TRUB2: variants seen among roughly 807,000 people sequenced by gnomAD.
The protein encoded by TRUB2 is TruB pseudouridine synthase family member 2.
Under a neutral mutation model 31.9 loss-of-function variants are expected in TRUB2, and 31 were observed. That is an observed-to-expected ratio of 0.97 (90% CI 0.73 to 1.31). TRUB2 has a LOEUF of 1.31. TRUB2 is among the 50% of genes most tolerant of loss of function. TRUB2 has a pLI of 0.00. For missense variants in TRUB2, 451 were observed against 439.6 expected (o/e 1.03, Z -0.23); for synonymous variants, 201 against 182.6 (o/e 1.10, Z -0.81).
intron 5 of TRUB2, 85 bp from the exon 6 acceptor site, chr9:128,311,686 C>G: frequency 7.0e-7 from 1 of 1,427,112 alleles, no homozygotes. Flanking sequence ...CCAGCCCCAT[C>G]CCTGGAACAT....
Position 128,309,377 on chromosome 9 carries a change from A to G in TRUB2, c.*173T>C. ...ATGTTTACTGTCTTTTCCTCCATAC[A>G]GAAGTTTTTCCTTCTCAGTTGGGTC... On this transcript the variant is annotated 3_prime_UTR_variant, in exon 8 of 8. Transcript: ENST00000372890. 7.7e-6 allele frequency: 5 copies of G among 650,012 alleles called. No homozygotes were observed. In the Middle Eastern group the frequency reaches 2.1e-3, roughly 276 times the overall value. The allele number at this position is 650,012 out of a possible 1,614,324, so 40.3% of individuals were successfully genotyped here.
At chr9:128,313,446 G>A (rs1174215696) in intron 5 of TRUB2, among the ~76,000 whole-genome samples, 9 of 147,214 alleles carry the variant, frequency 6.1e-5, no homozygotes, top group African/African-American at 2.3e-4. Context: ...TGAGGCAGGA[G>A]AATGGCGTGA....
In TRUB2 at chr9:128,309,735, T is replaced by C. The variant is rs1474120697; in HGVS notation, c.811A>G (p.Arg271Gly). The part of the protein sequence containing the change: ...GFFTLDSALL[R>G]TQWDLTNIQD... Reference sequence around the variant, plus strand: ...ATGTTGGTTAGGTCCCACTGGGTCCTCAGGAGGGCACTGTCTAGCGTGAAG... The same window carrying C: ...ATGTTGGTTAGGTCCCACTGGGTCCCCAGGAGGGCACTGTCTAGCGTGAAG... Residue 271 changes from arginine to glycine, a missense_variant, in exon 8 of 8, where the codon AGG becomes GGG. Coordinates refer to ENST00000372890, the MANE Select transcript of TRUB2 (RefSeq NM_015679.3). The C allele has an allele frequency of 6.2e-7, 1 of 1,614,232 alleles. No homozygotes were observed. Among genetic ancestry groups the C allele is most frequent in the Non-Finnish European group, 8.5e-7 (1 of 1,180,044 alleles).
Position 128,310,095 on chromosome 9 carries a change from G to C in TRUB2, c.671-220C>G, listed in dbSNP as rs113777555. Among the ~76,000 whole-genome samples the C allele has an allele frequency of 6.9e-4, 105 of 152,192 alleles. 4 individuals carry two copies. The highest frequency in any genetic ancestry group is 2.2e-3 in the African/African-American group (92 of 41,550). Reference sequence around the variant, plus strand: ...GGCCCCACCGGGACCTGCCAAGTCAGAATCTGCCCTTTTTTGGCAACAGGG... The same window carrying C: ...GGCCCCACCGGGACCTGCCAAGTCACAATCTGCCCTTTTTTGGCAACAGGG... On this transcript the variant is annotated intron_variant, in intron 7 of 7. Coordinates refer to ENST00000372890, the MANE Select transcript of TRUB2 (RefSeq NM_015679.3).
At chr9:128,316,012 T>C (rs973507586) in intron 3 of TRUB2, 1 of 220,392 alleles carries the variant, frequency 4.5e-6, no homozygotes. Flanking sequence ...AAAATGGGGG[T>C]AAAAATACTG....
chr9:128,318,824 G>A (rs1832112068), intron 2 of TRUB2, among the ~76,000 whole-genome samples: 1 of 151,350 alleles, frequency 6.6e-6, no homozygotes, highest in Admixed American at 6.6e-5. Context: ...ATGAGCCACC[G>A]CATCTGGCTT....
At chr9:128,309,949 C>T in intron 7 of TRUB2, 74 bp from the exon 8 acceptor site, 1 of 1,479,902 alleles carries the variant, frequency 6.8e-7, no homozygotes, top group Non-Finnish European at 9.2e-7. Context: ...ACGCACACCC[C>T]TTGGATACCT....
chr9:128,313,925 C>G (rs1310282650), intron 4 of TRUB2, 36 bp from the exon 5 acceptor site: 1 of 1,601,786 alleles, frequency 6.2e-7, no homozygotes, highest in Non-Finnish European at 8.6e-7. Flanking sequence ...CGTCAGTGAC[C>G]CCATTCTAAG....
chr9:128,312,919 A>T (rs1831998324), intron 5 of TRUB2, among the ~76,000 whole-genome samples: 2 of 150,556 alleles, frequency 1.3e-5, no homozygotes, highest in Non-Finnish European at 3.0e-5. Flanking sequence ...GCCTCTTTTT[A>T]AAATTTAGAA....
chr9:128,316,700 C>T (rs1832074559), intron 3 of TRUB2: 1 of 160,994 alleles, frequency 6.2e-6, no homozygotes, highest in Non-Finnish European at 1.4e-5. Flanking sequence ...CTTTGTGTGT[C>T]CAGACCCAGC....
At position 128,309,529 on chromosome 9, in the gene TRUB2, C is replaced by A. The variant is rs776091421; in HGVS notation, c.*21G>T. The stretch of plus-strand genomic sequence containing the variant: ...AGTTCTTCTATTTATCCATCCACTG[C>A]CCCAGGAGCTGCCTGGGCATTCACT... On this transcript the variant is annotated 3_prime_UTR_variant, in exon 8 of 8. Transcript: ENST00000372890. 6.3e-7 allele frequency: 1 copy of A among 1,594,688 alleles called. No homozygotes were observed. Among genetic ancestry groups the A allele is most frequent in the Non-Finnish European group, 8.6e-7 (1 of 1,167,336 alleles).
Position 128,309,471 on chromosome 9 carries a change from C to A in TRUB2, c.*79G>T. On this transcript the variant is annotated 3_prime_UTR_variant, in exon 8 of 8. Coordinates refer to ENST00000372890, the MANE Select transcript of TRUB2 (RefSeq NM_015679.3). ...CGTAGAAAAGGTGCCCCTGCTCTCA[C>A]TTTCTGCACAGCTATCAGGTCCAGC... 1 of 1,465,832 alleles carries A rather than the reference C, an allele frequency of 6.8e-7. No individual in the cohort carries two copies. Among genetic ancestry groups the A allele is most frequent in the Non-Finnish European group, 9.2e-7 (1 of 1,088,808 alleles). The allele number at this position is 1,465,832 out of a possible 1,614,324, so 90.8% of individuals were successfully genotyped here. A position where few individuals can be genotyped will look rare whatever the true frequency, so the allele number is the denominator to read the frequency against.
Position 128,307,671 on chromosome 9 carries a change from G to A in TRUB2, c.*1879C>T, listed in dbSNP as rs12003810. On this transcript the variant is annotated 3_prime_UTR_variant, in exon 8 of 8. Transcript: ENST00000372890. ...CGCTTGACCCAGGAGGGTCGAGGCT[G>A]CAATGAGTTGAAACCGCGCCACTGC... 25,623 of 152,092 alleles carry A rather than the reference G, an allele frequency of 0.17. 4,516 individuals carry two copies. The highest frequency in any genetic ancestry group is 0.45 in the African/African-American group (18,703 of 41,416). 9.4% of individuals were successfully genotyped at this position (152,092 alleles called of 1,614,324 possible).
intron 6 of TRUB2, 109 bp downstream of exon 6, chr9:128,311,420 T>A: frequency 8.8e-7 from 1 of 1,135,734 alleles, no homozygotes. Flanking sequence ...CCCGTCTGGT[T>A]CTGGGCTCTA....
Position 128,321,714 on chromosome 9 carries a change from C to G in TRUB2, c.126G>C (p.Lys42Asn). ...LQLLKGLNAR[K>N]PPAPKQRVRF... The stretch of plus-strand genomic sequence containing the variant: ...GAACACGCTGTTTAGGAGCGGGAGG[C>G]TTCCTGGCATTGAGACCTGAACACA... The change falls in exon 2 of 8, where the codon AAG becomes AAC. Residue 42 changes from lysine to asparagine, a missense_variant. Physicochemically the swap from Lys to Asn is moderately conservative, Grantham distance 94. Coordinates refer to ENST00000372890, the MANE Select transcript of TRUB2 (RefSeq NM_015679.3). 6.2e-7 allele frequency: 1 copy of G among 1,613,594 alleles called. No individual in the cohort carries two copies.
At chr9:128,315,833 G>A (rs575901227) in intron 3 of TRUB2, 5 of 581,664 alleles carry the variant, frequency 8.6e-6, no homozygotes, top group Admixed American at 5.6e-5. Flanking sequence ...CATATGCACT[G>A]AATCTGACTC....
chr9:128,320,238 G>A (rs1032293679), intron 2 of TRUB2, among the ~76,000 whole-genome samples: 2 of 151,738 alleles, frequency 1.3e-5, no homozygotes, highest in Non-Finnish European at 2.9e-5. Flanking sequence ...GCACAGTCTC[G>A]GCTCACTGCA....
chr9:128,321,548 C>A, intron 2 of TRUB2, 51 bp downstream of exon 2: 1 of 1,610,216 alleles, frequency 6.2e-7, no homozygotes, highest in Non-Finnish European at 8.5e-7. Context: ...TGACTCGGCT[C>A]AGGGATTTCC....
intron 2 of TRUB2, among the ~76,000 whole-genome samples, chr9:128,318,022 A>G (rs1158283141): frequency 6.6e-6 from 1 of 152,184 alleles, no homozygotes; most frequent in Non-Finnish European, 1.5e-5. Context: ...AACCAGTTCC[A>G]TTGTTGGGCA....
Sources: gnomAD v4.1 joint callset for allele counts (sites outside exome capture counted in the v4.1 genomes callset) on GRCh38, gnomAD v4.1.1 for gene constraint, MANE v1.5 for transcripts, NCBI Gene and HGNC (gene_info 2026-07-23, HGNC 2026-07-21) for gene names.